CFAP46: variants seen among roughly 807,000 people sequenced by gnomAD.
CFAP46 encodes the protein cilia and flagella associated protein 46, also known as cilia- and flagella-associated protein 46.
CFAP46 carries 245 observed loss-of-function variants against 325.7 expected under a neutral mutation model. The observed-to-expected ratio is 0.75, with a 90% CI of 0.68 to 0.84. CFAP46 has a LOEUF of 0.84. CFAP46 is among the 40% of genes least tolerant of loss of function. The pLI is 0.00. For missense variants in CFAP46, 3,346 were observed against 3,543.0 expected, an observed-to-expected ratio of 0.94 and a Z score of 1.41; for synonymous variants, 1,523 against 1,495.9, an observed-to-expected ratio of 1.02 and a Z score of -0.42.
At chr10:132,930,047 C>T (rs1207580891) in intron 8 of CFAP46, among the ~76,000 whole-genome samples, 7 of 152,142 alleles carry the variant, frequency 4.6e-5, no homozygotes, top group South Asian at 2.1e-4. Context: ...CCCAGGGCCA[C>T]GTCCCTACTG....
At chr10:132,903,506 T>A (rs1849417811) in intron 22 of CFAP46, among the ~76,000 whole-genome samples, 1 of 152,228 alleles carries the variant, frequency 6.6e-6, no homozygotes, top group African/African-American at 2.4e-5. Context: ...GGGCCCGCTC[T>A]CCAGGCTGCA....
chr10:132,844,323 G>A (rs1848399256), intron 44 of CFAP46, among the ~76,000 whole-genome samples: 1 of 152,148 alleles, frequency 6.6e-6, no homozygotes, highest in African/African-American at 2.4e-5. Flanking sequence ...AGTCCCAGCT[G>A]ATTTCCGAAT....
chr10:132,909,030 G>C (rs911695156), intron 21 of CFAP46, 107 bp downstream of exon 21: 2 of 750,796 alleles, frequency 2.7e-6, no homozygotes, highest in South Asian at 1.7e-5. Context: ...GGGGCAGAGT[G>C]GGGGTGAGCA....
At chr10:132,925,998 G>C (rs978574542) in intron 10 of CFAP46, among the ~76,000 whole-genome samples, 1 of 152,218 alleles carries the variant, frequency 6.6e-6, no homozygotes, top group Admixed American at 6.5e-5. Context: ...TGAGGTTTCT[G>C]TTCATCTTTT....
Position 132,876,076 on chromosome 10 carries a change from G to C in CFAP46, c.4362+736C>G, listed in dbSNP as rs1293686241. ...ACAGCCTGGAGGGCACATCACAAAAGAGGACCTCCAAGGATAGGAAGCACT... is the reference window on the plus strand; with the variant it reads ...ACAGCCTGGAGGGCACATCACAAAACAGGACCTCCAAGGATAGGAAGCACT... On this transcript the variant is annotated intron_variant, in intron 31 of 57. Coordinates refer to ENST00000368586, the MANE Select transcript of CFAP46 (RefSeq NM_001200049.3). This position sits in a 1 kb window ranked among gnomAD's most constrained non-coding sequence, Gnocchi z 4.1. Among the ~76,000 whole-genome samples the C allele has an allele frequency of 6.6e-6, 1 of 152,248 alleles. No individual in the cohort carries two copies. Among genetic ancestry groups the C allele is most frequent in the Admixed American group, 6.5e-5 (1 of 15,290 alleles).
intron 24 of CFAP46, chr10:132,898,617 T>G (rs115900032): frequency 8.0e-6 from 3 of 375,520 alleles, no homozygotes; most frequent in African/African-American, 6.3e-5. Context: ...CCCTCTCTCA[T>G]GGCAGGTGGG....
At chr10:132,855,635 T>C (rs1049599351) in intron 39 of CFAP46, among the ~76,000 whole-genome samples, 2 of 152,234 alleles carry the variant, frequency 1.3e-5, no homozygotes, top group African/African-American at 2.4e-5. Flanking sequence ...AAATGAATAC[T>C]TGTTATGATT....
In CFAP46 at chr10:132,885,927, G is replaced by A; in HGVS notation, c.3337C>T (p.Leu1113Phe). ...TGGCTGTGGAAGAGCAGGCCGTAGA[G>A]CGCAGCACGGAGCGCCAGGTCGTCC... The part of the protein sequence containing the change: ...AEDDLALRAA[L>F]YGLLFHSHAD... Residue 1113 changes from leucine to phenylalanine, a missense_variant, in exon 26 of 58, where the codon CTC (leucine) becomes TTC (phenylalanine). Coordinates refer to ENST00000368586, the MANE Select transcript of CFAP46 (RefSeq NM_001200049.3). The A allele has an allele frequency of 6.5e-7, 1 of 1,550,254 alleles. No individual in the cohort carries two copies. Among genetic ancestry groups the A allele is most frequent in the Non-Finnish European group, 8.7e-7 (1 of 1,146,838 alleles).
rs898923862 is a variant in CFAP46 at position 132,868,066 on chromosome 10, A to C, written c.4611-559T>G. Among the ~76,000 whole-genome samples the C allele has an allele frequency of 4.6e-5, 7 of 152,198 alleles. No individual in the cohort carries two copies. In the East Asian group the frequency reaches 1.4e-3, roughly 29 times the overall value. On this transcript the variant is annotated intron_variant, in intron 33 of 57. Transcript: ENST00000368586. ...CAGCAGGGGGTCACAGCAGAGGTCA[A>C]GACCCAGCAGGCCCAGCCCCAGGGC...
Position 132,937,678 on chromosome 10 carries a change from G to A in CFAP46, c.537-3C>T. 1 of 1,600,028 alleles carries A rather than the reference G, an allele frequency of 6.2e-7. No homozygotes were observed. Among genetic ancestry groups the A allele is most frequent in the East Asian group, 2.2e-5 (1 of 44,602 alleles). On this transcript the variant is annotated splice_region_variant and splice_polypyrimidine_tract_variant and intron_variant, in intron 5 of 57. Coordinates refer to ENST00000368586, the MANE Select transcript of CFAP46 (RefSeq NM_001200049.3). The stretch of plus-strand genomic sequence containing the variant: ...GCAGATAACACTCCAGAAGTTCCCT[G>A]GATAATAGAAACACACCACTGGTCA...
intron 39 of CFAP46, among the ~76,000 whole-genome samples, chr10:132,852,241 C>T (rs4880444): frequency 1.8e-4 from 7 of 38,994 alleles, no homozygotes; most frequent in Non-Finnish European, 2.0e-4. Flanking sequence ...TCTCAGATCC[C>T]AATCCACAGA....
intron 22 of CFAP46, among the ~76,000 whole-genome samples, chr10:132,901,453 C>T (rs1407096668): frequency 6.6e-6 from 1 of 152,180 alleles, no homozygotes; most frequent in Non-Finnish European, 1.5e-5. Context: ...CATTTGTTAG[C>T]ATTTGCTCTA....
In CFAP46 at chr10:132,913,132, G is replaced by A. The variant is rs1387794275; in HGVS notation, c.2247C>T (p.His749=). The change falls in exon 18 of 58, where the codon CAC becomes CAT. Residue 749 remains histidine, a synonymous_variant. Coordinates refer to ENST00000368586, the MANE Select transcript of CFAP46 (RefSeq NM_001200049.3). ...TCTGCCGCCCGGCCAGGATCAGGTG[G>A]TGGTTGTGGTTCAGGACGTAGACCA... ...NAVVYVLNHN[H]HLILAGRQKE... The A allele has an allele frequency of 1.9e-6, 3 of 1,550,420 alleles. No individual in the cohort carries two copies. In the South Asian group the frequency reaches 3.6e-5, roughly 18 times the overall value.
intron 9 of CFAP46, among the ~76,000 whole-genome samples, chr10:132,926,976 G>A (rs992138882): frequency 3.3e-5 from 5 of 152,192 alleles, no homozygotes; most frequent in African/African-American, 1.2e-4. Context: ...CAGGCTGCTT[G>A]GCGGCCCGGG....
At chr10:132,930,844 T>G (rs12411931) in intron 8 of CFAP46, among the ~76,000 whole-genome samples, 4 of 33,752 alleles carry the variant, frequency 1.2e-4, no homozygotes, top group South Asian at 1.6e-3. Context: ...CCCACACTCC[T>G]CACACAGAGC....
chr10:132,828,811 G>T lies in CFAP46; in HGVS notation c.7117+4547C>A, dbSNP rs982421743. On this transcript the variant is annotated intron_variant, in intron 50 of 57. Transcript: ENST00000368586. The surrounding 1 kb of genome is among the most constrained non-coding windows in gnomAD (Gnocchi z 4.9). The stretch of plus-strand genomic sequence containing the variant: ...TTCGTTCTGCACTTGGACGTCCAGG[G>T]ACTGCAGCCACTCATGGAGATGCCC... 6.6e-6 allele frequency among the ~76,000 whole-genome samples: 1 copy of T among 152,082 alleles called. No homozygotes were observed. Among genetic ancestry groups the T allele is most frequent in the Admixed American group, 6.5e-5 (1 of 15,272 alleles).
intron 22 of CFAP46, among the ~76,000 whole-genome samples, chr10:132,907,280 C>T (rs1849470465): frequency 6.6e-6 from 1 of 152,226 alleles, no homozygotes; most frequent in South Asian, 2.1e-4. Context: ...ACCTTTACTG[C>T]AGAAACATTT....
rs746249610 is a variant in CFAP46 at position 132,884,951 on chromosome 10, C to T, written c.3627+152G>A. Among the ~76,000 whole-genome samples the T allele has an allele frequency of 5.3e-5, 8 of 152,170 alleles. No homozygotes were observed. Among genetic ancestry groups the T allele is most frequent in the Non-Finnish European group, 7.4e-5 (5 of 68,022 alleles). On this transcript the variant is annotated intron_variant, in intron 27 of 57. Transcript: ENST00000368586. The surrounding 1 kb of genome is among the most constrained non-coding windows in gnomAD (Gnocchi z 5.4). ...CTGACTGGTCAGCAAGAGGAGTGCC[C>T]GGGGCCACGCGGTGCATTCTCTGTG...
At position 132,940,936 on chromosome 10, in the gene CFAP46, G is replaced by A. The variant is rs144691939; in HGVS notation, c.371+60C>T. 676 of 1,531,900 alleles carry A rather than the reference G, an allele frequency of 4.4e-4. 5 individuals are homozygous for A. In the African/African-American group the frequency reaches 8.2e-3, roughly 18 times the overall value. The allele number at this position is 1,531,900 out of a possible 1,614,324, so 94.9% of individuals were successfully genotyped here. A position where few individuals can be genotyped will look rare whatever the true frequency, so the allele number is the denominator to read the frequency against. Reference sequence around the variant, plus strand: ...TCAAATAAATACACCCACTTGATAAGTTCTGGCTCTGAAGTCTTTCACCCA... The same window carrying A: ...TCAAATAAATACACCCACTTGATAAATTCTGGCTCTGAAGTCTTTCACCCA... On this transcript the variant is annotated intron_variant, in intron 4 of 57. Coordinates refer to ENST00000368586, the MANE Select transcript of CFAP46 (RefSeq NM_001200049.3).
Sources: allele counts gnomAD v4.1 joint callset (sites outside exome capture counted in the v4.1 genomes callset), GRCh38; gene constraint gnomAD v4.1.1; non-coding constraint Gnocchi (gnomAD v3.1); transcripts MANE v1.5; gene names NCBI Gene and HGNC (gene_info 2026-07-23, HGNC 2026-07-21).